CYP39A1: variants seen among roughly 807,000 people sequenced by gnomAD.
The protein encoded by CYP39A1 is cytochrome P450 family 39 subfamily A member 1.
Under a neutral mutation model 58.1 loss-of-function variants are expected in CYP39A1, and 49 were observed. The ratio of observed to expected loss-of-function variants is 0.84; its 90% CI spans 0.67 to 1.07. The LOEUF is 1.07. CYP39A1 is among the 50% of genes least tolerant of loss of function. The pLI is 0.00. For missense variants in CYP39A1, 531 were observed against 539.4 expected, an observed-to-expected ratio of 0.98 and a Z score of 0.16; for synonymous variants, 209 against 187.6, an observed-to-expected ratio of 1.11 and a Z score of -0.93.
chr6:46,570,251 C>T lies in CYP39A1; in HGVS notation c.1251-16397G>A, dbSNP rs183506186. On this transcript the variant is annotated intron_variant, in intron 10 of 11. Transcript: ENST00000275016. ...TTCATCAGTCTACCAGAAGATATAT[C>T]ATTTTTCAAGACTTAATTTTTTAAC... is the stretch of plus-strand genomic sequence containing the variant. Among the ~76,000 whole-genome samples, 104 of 152,220 alleles carry T rather than the reference C, an allele frequency of 6.8e-4. 1 individual carries two copies. The highest frequency in any genetic ancestry group is 1.2e-4 in the Non-Finnish European group (8 of 67,990).
At chr6:46,609,183 C>T (rs963238942) in intron 7 of CYP39A1, among the ~76,000 whole-genome samples, 3 of 151,774 alleles carry the variant, frequency 2.0e-5, no homozygotes, top group African/African-American at 7.2e-5. Context: ...GGGCGGATTA[C>T]GAGGTCAGAA....
intron 7 of CYP39A1, among the ~76,000 whole-genome samples, chr6:46,619,499 T>C (rs1774828570): frequency 1.3e-5 from 2 of 151,944 alleles, no homozygotes; most frequent in South Asian, 2.1e-4. Context: ...TAAGGAAATA[T>C]AGAGTAAGAC....
intron 10 of CYP39A1, among the ~76,000 whole-genome samples, chr6:46,575,068 C>T (rs1442285740): frequency 6.6e-6 from 1 of 151,998 alleles, no homozygotes; most frequent in Non-Finnish European, 1.5e-5. Flanking sequence ...CCAAGAGCCT[C>T]CTAAAGAAAG....
At chr6:46,595,683 C>T (rs1051031572) in intron 8 of CYP39A1, among the ~76,000 whole-genome samples, 3 of 151,932 alleles carry the variant, frequency 2.0e-5, no homozygotes, top group African/African-American at 7.2e-5. Context: ...TATTGTATAA[C>T]ATGGTGACTA....
chr6:46,570,740 G>A (rs1227814882), intron 10 of CYP39A1, among the ~76,000 whole-genome samples: 2 of 152,140 alleles, frequency 1.3e-5, no homozygotes, highest in African/African-American at 2.4e-5. Context: ...AGAGAAATGG[G>A]AGAGGTTCCA....
At chr6:46,558,607 C>T (rs890266490) in intron 10 of CYP39A1, among the ~76,000 whole-genome samples, 1 of 152,084 alleles carries the variant, frequency 6.6e-6, no homozygotes, top group East Asian at 1.9e-4. Context: ...TCTAATAATG[C>T]ACTAATTTTA....
chr6:46,639,582 G>C lies in CYP39A1; in HGVS notation c.400C>G (p.Gln134Glu). 6.2e-7 allele frequency: 1 copy of C among 1,613,992 alleles called. No individual in the cohort carries two copies. Among genetic ancestry groups the C allele is most frequent in the Non-Finnish European group, 8.5e-7 (1 of 1,179,928 alleles). ...KGKMGTVNLH[Q>E]FTGQLTEELH... ...TCTTCAGTCAGTTGCCCAGTAAACT[G>C]ATGGAGATTGACAGTCCCCATTTTC... Residue 134 changes from glutamine to glutamate, a missense_variant, in exon 3 of 12, where the codon CAG becomes GAG. Physicochemically the swap from Gln to Glu is conservative, Grantham distance 29. Coordinates refer to ENST00000275016, the MANE Select transcript of CYP39A1 (RefSeq NM_016593.5).
At chr6:46,595,257 C>A (rs778615274) in intron 8 of CYP39A1, among the ~76,000 whole-genome samples, 23 of 151,652 alleles carry the variant, frequency 1.5e-4, no homozygotes, top group Non-Finnish European at 3.1e-4. Context: ...GAAGGTTCCT[C>A]AAAAAATTAA....
In CYP39A1 at chr6:46,551,545, T is replaced by A. The variant is rs896002501; in HGVS notation, c.1339-1108A>T. Among the ~76,000 whole-genome samples the A allele has an allele frequency of 3.3e-5, 5 of 152,350 alleles. No homozygotes were observed. In the East Asian group the frequency reaches 9.6e-4, roughly 29 times the overall value. On this transcript the variant is annotated intron_variant, in intron 11 of 11. Coordinates refer to ENST00000275016, the MANE Select transcript of CYP39A1 (RefSeq NM_016593.5). Reference sequence around the variant, plus strand: ...CCACAGATCCTTAAACTTTGTAGTATTTCCTTTTTGTTTGATTCATAATGG... The same window carrying A: ...CCACAGATCCTTAAACTTTGTAGTAATTCCTTTTTGTTTGATTCATAATGG...
intron 10 of CYP39A1, among the ~76,000 whole-genome samples, chr6:46,568,737 T>C (rs1416269031): frequency 6.6e-6 from 1 of 152,086 alleles, no homozygotes; most frequent in East Asian, 1.9e-4. Flanking sequence ...TATTCTATTG[T>C]ATTGGTCTAC....
chr6:46,555,223 T>C (rs1184776920), intron 10 of CYP39A1, among the ~76,000 whole-genome samples: 1 of 152,344 alleles, frequency 6.6e-6, no homozygotes, highest in African/African-American at 2.4e-5. Context: ...TGAATGATGA[T>C]GCTCTGTGCC....
At chr6:46,587,687 T>A (rs1772554587) in intron 9 of CYP39A1, among the ~76,000 whole-genome samples, 1 of 152,188 alleles carries the variant, frequency 6.6e-6, no homozygotes, top group Non-Finnish European at 1.5e-5. Context: ...TTTATTTGTA[T>A]TTTTTTGTAC....
At chr6:46,609,772 T>C (rs1409867263) in intron 7 of CYP39A1, among the ~76,000 whole-genome samples, 2 of 152,232 alleles carry the variant, frequency 1.3e-5, no homozygotes, top group Non-Finnish European at 2.9e-5. Flanking sequence ...TAAAAATCAA[T>C]ACTCTATATT....
At chr6:46,650,920 T>C (rs971431288) in intron 1 of CYP39A1, among the ~76,000 whole-genome samples, 6 of 152,170 alleles carry the variant, frequency 3.9e-5, no homozygotes, top group African/African-American at 1.2e-4. Context: ...ATCAAGATCA[T>C]ATGCATAAGG....
At chr6:46,582,934 C>T (rs567644009) in intron 10 of CYP39A1, 102 of 331,934 alleles carry the variant, frequency 3.1e-4, no homozygotes, top group African/African-American at 2.2e-3. Context: ...ATACTAGATG[C>T]TCAAGAGATG....
At chr6:46,618,829 G>A (rs541667466) in intron 7 of CYP39A1, among the ~76,000 whole-genome samples, 1 of 152,048 alleles carries the variant, frequency 6.6e-6, no homozygotes, top group South Asian at 2.1e-4. Context: ...TCTCCCTCTC[G>A]GGGCAAGCTA....
chr6:46,608,492 A>T (rs1773983040), intron 7 of CYP39A1, among the ~76,000 whole-genome samples: 1 of 152,158 alleles, frequency 6.6e-6, no homozygotes, highest in Non-Finnish European at 1.5e-5. Flanking sequence ...CAATAAAAGT[A>T]ATGTTCAGCA....
intron 11 of CYP39A1, among the ~76,000 whole-genome samples, chr6:46,551,018 T>G (rs1384344768): frequency 6.6e-6 from 1 of 151,426 alleles, no homozygotes; most frequent in Non-Finnish European, 1.5e-5. Context: ...CAAGGGGAGG[T>G]CAGCGTATTG....
At position 46,621,513 on chromosome 6, in the gene CYP39A1, G is replaced by T. The variant is rs143941147; in HGVS notation, c.931+3905C>A. Among the ~76,000 whole-genome samples, 98 of 152,144 alleles carry T rather than the reference G, an allele frequency of 6.4e-4. 1 individual carries two copies. The East Asian group carries it at 0.018, about 29-fold the overall frequency. ...TCCAGTGCCCTTACAGAAATAAAAT[G>T]GATTGTGTGGAACACTATGAAAAAT... is the stretch of plus-strand genomic sequence containing the variant. On this transcript the variant is annotated intron_variant, in intron 7 of 11. Coordinates refer to ENST00000275016, the MANE Select transcript of CYP39A1 (RefSeq NM_016593.5).
Sources: allele counts gnomAD v4.1 joint callset (sites outside exome capture counted in the v4.1 genomes callset), GRCh38; gene constraint gnomAD v4.1.1; transcripts MANE v1.5; gene names NCBI Gene and HGNC (gene_info 2026-07-23, HGNC 2026-07-21).